METTL14: variants seen among roughly 807,000 people sequenced by gnomAD.
METTL14 encodes N(6)-adenosine-methyltransferase non-catalytic subunit METTL14.
A neutral mutation model predicts 62.4 loss-of-function variants in METTL14; 32 were observed. The observed-to-expected ratio is 0.51, with a 90% confidence interval of 0.39 to 0.69. The LOEUF (loss-of-function observed/expected upper bound fraction) is 0.69, where lower values mean the gene tolerates loss of function less well. METTL14 is among the 30% of genes least tolerant of loss of function. The pLI, the probability that METTL14 is intolerant of heterozygous loss-of-function variation, is 0.00. For synonymous variants in METTL14, 150 were observed against 180.0 expected (o/e 0.83, Z 1.34); for missense variants, 340 against 551.9 (o/e 0.62, Z 3.85).
At chr4:118,709,812 CAA>C (rs1039096711) in intron 10 of METTL14, among the ~76,000 whole-genome samples, 184 bp from the exon 11 acceptor site, 2 of 152,012 alleles carry the variant, frequency 1.3e-5, no homozygotes, top group Non-Finnish European at 2.9e-5. Flanking sequence ...GGAGGAGAAA[CAA>C]GATATATACC....
At chr4:118,709,081 C>T (rs1163676781) in intron 10 of METTL14, among the ~76,000 whole-genome samples, 1 of 152,114 alleles carries the variant, frequency 6.6e-6, no homozygotes, top group Non-Finnish European at 1.5e-5. Flanking sequence ...ATTTTCATTT[C>T]ATGTAAGAAA....
At position 118,689,379 on chromosome 4, in the gene METTL14, TG is replaced by T. The variant is rs748208508; in HGVS notation, c.166del (p.Asp56IlefsTer29). 41 of 1,590,598 alleles carry T rather than the reference TG, an allele frequency of 2.6e-5. No homozygotes were observed. Among genetic ancestry groups the T allele is most frequent in the Non-Finnish European group, 8.6e-7 (1 of 1,168,122 alleles). On this transcript the variant is annotated frameshift_variant, in exon 3 of 11. Transcript: ENST00000388822. LOFTEE classifies it high-confidence loss of function. The part of the protein sequence containing the change: ...ETRETCRASY[D>X]TSAPNAKRKY... The stretch of plus-strand genomic sequence containing the variant: ...TCTGTTTATTTTTCAGGGCTTCCTA[TG>T]ATACCTCTGCTCCAAATGCAAAACG...
At chr4:118,697,683 G>A (rs568119018) in intron 7 of METTL14, among the ~76,000 whole-genome samples, 37 of 152,190 alleles carry the variant, frequency 2.4e-4, no homozygotes, top group Non-Finnish European at 5.3e-4. Flanking sequence ...GCTTGTTTAT[G>A]TATATAAAAA....
At chr4:118,709,523 G>C (rs1724857788) in intron 10 of METTL14, among the ~76,000 whole-genome samples, 1 of 152,154 alleles carries the variant, frequency 6.6e-6, no homozygotes, top group African/African-American at 2.4e-5. Flanking sequence ...AGCAGAAATG[G>C]AAAGATAGGA....
chr4:118,695,543 C>T (rs1307259791), intron 6 of METTL14, among the ~76,000 whole-genome samples: 1 of 151,922 alleles, frequency 6.6e-6, no homozygotes, highest in African/African-American at 2.4e-5. Flanking sequence ...AGTGAGACTC[C>T]GTATTCTTGA....
chr4:118,701,578 A>G (rs1202718763), intron 8 of METTL14, among the ~76,000 whole-genome samples: 1 of 152,156 alleles, frequency 6.6e-6, no homozygotes. Context: ...AGGAGTCTTA[A>G]TTTTGCTCTC....
At chr4:118,696,881 T>C (rs1467586776) in intron 6 of METTL14, among the ~76,000 whole-genome samples, 4 of 152,038 alleles carry the variant, frequency 2.6e-5, no homozygotes, top group African/African-American at 9.7e-5. Flanking sequence ...ATTTTTAATA[T>C]TGAGAGAAGA....
chr4:118,687,723 CTTAA>C (rs1346332337), intron 1 of METTL14, among the ~76,000 whole-genome samples, 196 bp from the exon 2 acceptor site: 1 of 152,112 alleles, frequency 6.6e-6, no homozygotes, highest in Non-Finnish European at 1.5e-5. Flanking sequence ...TCAAACTCAT[CTTAA>C]TTAATGCGGT....
At chr4:118,685,642 C>G (rs764592582) in intron 1 of METTL14, 42 bp downstream of exon 1, 1 of 1,576,834 alleles carries the variant, frequency 6.3e-7, no homozygotes, top group Non-Finnish European at 8.7e-7. Flanking sequence ...ATCGAGAATG[C>G]GAGTGCGCGG....
chr4:118,702,717 A>G (rs866165321), intron 8 of METTL14, among the ~76,000 whole-genome samples: 3 of 151,566 alleles, frequency 2.0e-5, no homozygotes, highest in African/African-American at 4.9e-5. Flanking sequence ...CGGAGGTTGC[A>G]GTGAGCCAAG....
At chr4:118,707,466 C>T (rs1385808556) in intron 10 of METTL14, among the ~76,000 whole-genome samples, 1 of 151,910 alleles carries the variant, frequency 6.6e-6, no homozygotes, top group Non-Finnish European at 1.5e-5. Flanking sequence ...GAGTTTGAGA[C>T]CAGCCTGGGC....
In METTL14 at chr4:118,710,320, C is replaced by A; in HGVS notation, c.*18C>A. 6.3e-7 allele frequency: 1 copy of A among 1,589,752 alleles called. No homozygotes were observed. The highest frequency in any genetic ancestry group is 8.6e-7 in the Non-Finnish European group (1 of 1,169,386). On this transcript the variant is annotated 3_prime_UTR_variant, in exon 11 of 11. Coordinates refer to ENST00000388822, the MANE Select transcript of METTL14 (RefSeq NM_020961.4). ...CTCGATAATTGTTGAAGACATTGAA[C>A]CTATTCATCCTCCTCTAACCTTCTT...
In METTL14 at chr4:118,689,439, C is replaced by CA. The variant is rs770050589; in HGVS notation, c.229dup (p.Met77AsnfsTer5). On this transcript the variant is annotated frameshift_variant, in exon 3 of 11. Transcript: ENST00000388822. LOFTEE classifies it high-confidence loss of function. ...TGGATGAAGGAGAGACAGATGAAGA[C>CA]AAAATGGAAGAATATAAGGCAAGTA... 6.3e-7 allele frequency: 1 copy of CA among 1,593,444 alleles called. No individual in the cohort carries two copies. Among genetic ancestry groups the CA allele is most frequent in the South Asian group, 1.1e-5 (1 of 89,206 alleles).
chr4:118,687,913 C>T lies in METTL14; in HGVS notation c.67-10C>T. 1 of 1,612,010 alleles carries T rather than the reference C, an allele frequency of 6.2e-7. No homozygotes were observed. The highest frequency in any genetic ancestry group is 8.5e-7 in the Non-Finnish European group (1 of 1,179,134). ...ATTGCAATCTAATTTCTGATTTTGT[C>T]TTTTCTCAGTTGGGAGCTGAAAGTG... On this transcript the variant is annotated splice_polypyrimidine_tract_variant and intron_variant, in intron 1 of 10. Coordinates refer to ENST00000388822, the MANE Select transcript of METTL14 (RefSeq NM_020961.4).
In METTL14 at chr4:118,714,662, C is replaced by T. The variant is rs1725005633; in HGVS notation, c.*4360C>T. On this transcript the variant is annotated 3_prime_UTR_variant, in exon 11 of 11. Transcript: ENST00000388822. ...GGGGCAGTGATAAGATCTTGGCTCA[C>T]TGCAACCTCCGCCTCCAGGGTTGAA... The T allele has an allele frequency of 6.6e-6, 1 of 152,220 alleles. No individual in the cohort carries two copies. Among genetic ancestry groups the T allele is most frequent in the African/African-American group, 2.4e-5 (1 of 41,460 alleles). 9.4% of individuals were successfully genotyped at this position (152,220 alleles called of 1,614,324 possible).
intron 7 of METTL14, among the ~76,000 whole-genome samples, chr4:118,699,108 A>T (rs1724513077): frequency 6.6e-6 from 1 of 152,306 alleles, no homozygotes; most frequent in South Asian, 2.1e-4. Flanking sequence ...TCTAGAAAAG[A>T]TGTGGGGCAA....
chr4:118,697,686 TA>T, intron 7 of METTL14, among the ~76,000 whole-genome samples: 1 of 152,258 alleles, frequency 6.6e-6, no homozygotes, highest in East Asian at 1.9e-4. Flanking sequence ...TGTTTATGTA[TA>T]TAAAAACATG....
intron 6 of METTL14, among the ~76,000 whole-genome samples, chr4:118,695,736 A>G (rs910706378): frequency 1.3e-5 from 2 of 152,194 alleles, no homozygotes; most frequent in African/African-American, 4.8e-5. Context: ...AAGCAGAATA[A>G]TGTTTTCCTC....
intron 8 of METTL14, among the ~76,000 whole-genome samples, chr4:118,702,277 A>G (rs1724617588): frequency 6.6e-6 from 1 of 151,868 alleles, no homozygotes; most frequent in African/African-American, 2.4e-5. Context: ...TATCTTATTT[A>G]CTTAATGTAG....
Sources: allele counts gnomAD v4.1 joint callset (sites outside exome capture counted in the v4.1 genomes callset), GRCh38; gene constraint gnomAD v4.1.1; transcripts MANE v1.5; gene names NCBI Gene and HGNC (gene_info 2026-07-23, HGNC 2026-07-21).